KHDRBS2: variants seen among roughly 807,000 people sequenced by gnomAD.
KHDRBS2 encodes the protein KH domain-containing, RNA-binding, signal transduction-associated protein 2.
A neutral mutation model predicts 44.3 loss-of-function variants in KHDRBS2; 26 were observed. That is an observed-to-expected ratio of 0.59 (90% CI 0.43 to 0.81). The LOEUF is 0.81. KHDRBS2 is among the 40% of genes least tolerant of loss of function. KHDRBS2 has a pLI of 0.00. For synonymous variants in KHDRBS2, 194 were observed against 151.1 expected (o/e 1.28, Z -2.08); for missense variants, 476 against 433.1 (o/e 1.10, Z -0.88).
chr6:61,788,257 A>G (rs1389599242), intron 6 of KHDRBS2, among the ~76,000 whole-genome samples: 1 of 151,498 alleles, frequency 6.6e-6, no homozygotes, highest in East Asian at 1.9e-4. Flanking sequence ...TGACTAATGA[A>G]AGAAATATTG....
intron 8 of KHDRBS2, among the ~76,000 whole-genome samples, chr6:61,682,539 A>C (rs1766418930): frequency 1.3e-5 from 2 of 151,912 alleles, no homozygotes; most frequent in Non-Finnish European, 2.9e-5. Flanking sequence ...GTTTTACTGG[A>C]ACACAGGCAT....
intron 2 of KHDRBS2, among the ~76,000 whole-genome samples, chr6:62,075,987 C>T (rs1400296849): frequency 1.3e-5 from 2 of 151,480 alleles, no homozygotes; most frequent in Non-Finnish European, 2.9e-5. Context: ...TATGCTTTTA[C>T]TCTAATTTCT....
chr6:61,657,587 C>T, the KHDRBS2 span, among the ~76,000 whole-genome samples: 1 of 151,898 alleles, frequency 6.6e-6, no homozygotes, highest in South Asian at 2.1e-4. Context: ...ACAAAACAAA[C>T]GTGTCCTACA....
chr6:61,582,782 T>C, the KHDRBS2 span, among the ~76,000 whole-genome samples: 1 of 151,662 alleles, frequency 6.6e-6, no homozygotes, highest in African/African-American at 2.4e-5. Flanking sequence ...TAATAAACTT[T>C]TCTTGGTCCT....
intron 7 of KHDRBS2, among the ~76,000 whole-genome samples, chr6:61,709,398 C>T (rs1770125509): frequency 2.0e-5 from 3 of 151,554 alleles, no homozygotes; most frequent in African/African-American, 4.8e-5. Flanking sequence ...GAATTATGAT[C>T]AGCTTTGCAA....
chr6:62,222,853 C>A (rs2150153479), intron 1 of KHDRBS2, among the ~76,000 whole-genome samples: 1 of 152,328 alleles, frequency 6.6e-6, no homozygotes, highest in East Asian at 1.9e-4. Context: ...GAGGTGAGTT[C>A]CTATGGTCTT....
intron 2 of KHDRBS2, among the ~76,000 whole-genome samples, chr6:62,150,657 G>A (rs953814939): frequency 3.3e-5 from 5 of 152,034 alleles, no homozygotes; most frequent in Admixed American, 2.0e-4. Flanking sequence ...TACAACTTTC[G>A]AAGCACCCAA....
the KHDRBS2 span, among the ~76,000 whole-genome samples, chr6:61,597,773 T>TATATATATATATATACAC: frequency 7.8e-3 from 328 of 42,102 alleles, 35 homozygotes; most frequent in Non-Finnish European, 0.012. Context: ...TATATATATA[T>TATATATATATATATACAC]ACACCAAGAT....
At chr6:62,132,450 A>G (rs1408291061) in intron 2 of KHDRBS2, among the ~76,000 whole-genome samples, 1 of 152,174 alleles carries the variant, frequency 6.6e-6, no homozygotes, top group Non-Finnish European at 1.5e-5. Flanking sequence ...CAGAAATTCT[A>G]AGGATGGAGA....
intron 8 of KHDRBS2, among the ~76,000 whole-genome samples, chr6:61,687,855 T>C (rs1421870623): frequency 2.6e-5 from 4 of 151,844 alleles, no homozygotes; most frequent in Non-Finnish European, 5.9e-5. Flanking sequence ...GTTTTGCATG[T>C]GATGCATAAT....
At chr6:62,187,910 T>C (rs1246399742) in intron 1 of KHDRBS2, among the ~76,000 whole-genome samples, 1 of 152,098 alleles carries the variant, frequency 6.6e-6, no homozygotes, top group Admixed American at 6.6e-5. Flanking sequence ...TGGCTCATGA[T>C]TGTCAGCAGT....
intron 7 of KHDRBS2, among the ~76,000 whole-genome samples, chr6:61,708,468 A>G (rs891417644): frequency 6.6e-6 from 1 of 151,532 alleles, no homozygotes; most frequent in Non-Finnish European, 1.5e-5. Context: ...CAAAGCAAAG[A>G]TCATGGGTTT....
chr6:62,100,186 G>T (rs1219941459), intron 2 of KHDRBS2, among the ~76,000 whole-genome samples: 3 of 152,146 alleles, frequency 2.0e-5, no homozygotes, highest in Non-Finnish European at 4.4e-5. Context: ...AGATGTAATG[G>T]AAATAGCAAG....
chr6:62,123,945 T>C (rs1371556519), intron 2 of KHDRBS2, among the ~76,000 whole-genome samples: 1 of 152,260 alleles, frequency 6.6e-6, no homozygotes, highest in African/African-American at 2.4e-5. Flanking sequence ...GTTGGTAACA[T>C]GCAGAATAGA....
At chr6:62,245,278 T>C (rs1344911814) in intron 1 of KHDRBS2, among the ~76,000 whole-genome samples, 1 of 152,138 alleles carries the variant, frequency 6.6e-6, no homozygotes, top group Non-Finnish European at 1.5e-5. Flanking sequence ...ATAAATGTCA[T>C]CTCTGTTGCC....
chr6:61,657,026 G>C, the KHDRBS2 span, among the ~76,000 whole-genome samples: 1 of 151,922 alleles, frequency 6.6e-6, no homozygotes, highest in Non-Finnish European at 1.5e-5. Context: ...CTGGAGAAAG[G>C]AGTGGGGAAG....
intron 3 of KHDRBS2, among the ~76,000 whole-genome samples, chr6:62,040,658 CTAT>C (rs1188619448): frequency 6.6e-6 from 1 of 152,090 alleles, no homozygotes; most frequent in Admixed American, 6.6e-5. Flanking sequence ...CCACTGGCAC[CTAT>C]ACATGGCCTT....
intron 3 of KHDRBS2, among the ~76,000 whole-genome samples, chr6:62,016,213 A>G (rs1234538100): frequency 2.0e-5 from 3 of 152,146 alleles, no homozygotes; most frequent in Non-Finnish European, 4.4e-5. Flanking sequence ...ATTTAATAGT[A>G]GAATGAGGTA....
chr6:61,579,584 C>A, the KHDRBS2 span, among the ~76,000 whole-genome samples: 1 of 152,028 alleles, frequency 6.6e-6, no homozygotes, highest in Non-Finnish European at 1.5e-5. Context: ...CAGCTAGTGA[C>A]CGAATGTTAT....
Sources: gnomAD v4.1 joint callset for allele counts (sites outside exome capture counted in the v4.1 genomes callset) on GRCh38, gnomAD v4.1.1 for gene constraint, MANE v1.5 for transcripts, NCBI Gene and HGNC (gene_info 2026-07-23, HGNC 2026-07-21) for gene names.